The following FASTKD2 variants were observed in gnomAD, a reference collection of about 807,000 sequenced individuals.
The protein encoded by FASTKD2 is FAST kinase domain-containing protein 2, mitochondrial.
A neutral mutation model predicts 63.6 loss-of-function variants in FASTKD2; 51 were observed. That is an observed-to-expected ratio of 0.80 (90% CI 0.64 to 1.01). The LOEUF (loss-of-function observed/expected upper bound fraction) is 1.01, where lower values mean the gene tolerates loss of function less well. Ranked by LOEUF, FASTKD2 falls within the 50% of genes least tolerant of loss-of-function variation. FASTKD2 has a pLI of 0.00. For missense variants in FASTKD2, 786 were observed against 831.1 expected, an observed-to-expected ratio of 0.95 and a Z score of 0.67; for synonymous variants, 284 against 293.4, an observed-to-expected ratio of 0.97 and a Z score of 0.33.
rs1184563386 is a variant in FASTKD2 at position 206,794,023 on chromosome 2, T to A, written c.*2221T>A. Among the ~76,000 whole-genome samples the A allele has an allele frequency of 6.6e-6, 1 of 152,240 alleles. No homozygotes were observed. The highest frequency in any genetic ancestry group is 1.5e-5 in the Non-Finnish European group (1 of 68,044). ...TTCTGGAATGTACTTTGTGGGGTTT[T>A]CTTCTCCCATAATTTAAAAAATAGC... On this transcript the variant is annotated 3_prime_UTR_variant, in exon 12 of 12. Coordinates refer to ENST00000402774, the MANE Select transcript of FASTKD2 (RefSeq NM_001136193.2).
In FASTKD2 at chr2:206,795,570, GT is replaced by G. The variant is rs1363636380; in HGVS notation, c.*3769del. ...CTCTTAACACACTTGTAACCCATTT[GT>G]GCACACAGGTGTGCCGTGACTCACT... On this transcript the variant is annotated 3_prime_UTR_variant, in exon 12 of 12. Transcript: ENST00000402774. Among the ~76,000 whole-genome samples the G allele has an allele frequency of 6.6e-6, 1 of 152,090 alleles. No homozygotes were observed. The highest frequency in any genetic ancestry group is 1.5e-5 in the Non-Finnish European group (1 of 68,004).
chr2:206,770,470 G>A (rs186050947), intron 3 of FASTKD2, among the ~76,000 whole-genome samples: 29 of 152,202 alleles, frequency 1.9e-4, no homozygotes, highest in Admixed American at 1.2e-3. Flanking sequence ...CTGGCCAGGC[G>A]CAGTGACTCA....
chr2:206,768,537 CAA>C (rs1689585498), intron 2 of FASTKD2, among the ~76,000 whole-genome samples: 1 of 151,968 alleles, frequency 6.6e-6, no homozygotes, highest in Non-Finnish European at 1.5e-5. Flanking sequence ...TCCATCTCTA[CAA>C]AAAATACAAA....
At position 206,788,107 on chromosome 2, in the gene FASTKD2, G is replaced by A; in HGVS notation, c.1765G>A (p.Glu589Lys). 6.2e-7 allele frequency: 1 copy of A among 1,612,766 alleles called. No homozygotes were observed. The highest frequency in any genetic ancestry group is 1.7e-5 in the Admixed American group (1 of 59,894). ...GGTGCTGAGCAGCCTTCTGGGAGGT[G>A]AAGGACACTTCTCAAAGGATGTGCA... ...AEVLSSLLGGEGHFSKDVHLP... is the reference protein window; with the variant it reads ...AEVLSSLLGGKGHFSKDVHLP... Residue 589 changes from glutamate (E) to lysine (K), a missense_variant, in exon 9 of 12, where the codon GAA becomes AAA. By Grantham distance (56) the Glu-to-Lys change is moderately conservative. Transcript: ENST00000402774.
Position 206,771,933 on chromosome 2 carries a change from A to C in FASTKD2, c.1030A>C (p.Asn344His). The C allele has an allele frequency of 6.2e-7, 1 of 1,610,762 alleles. No homozygotes were observed. The highest frequency in any genetic ancestry group is 8.5e-7 in the Non-Finnish European group (1 of 1,176,930). Residue 344 changes from asparagine to histidine, a missense_variant, in exon 5 of 12, where the codon AAT becomes CAT. Coordinates refer to ENST00000402774, the MANE Select transcript of FASTKD2 (RefSeq NM_001136193.2). The stretch of plus-strand genomic sequence containing the variant: ...GGAATTAGACAGATTTTCTGTTTTG[A>C]ATAGCCAACACATGTTTGAAGTACT... ...LRELDRFSVL[N>H]SQHMFEVLAA... is the part of the protein sequence containing the mutation.
chr2:206,771,654 A>G (rs1486920191), intron 4 of FASTKD2, among the ~76,000 whole-genome samples: 5 of 38,152 alleles, frequency 1.3e-4, no homozygotes, highest in Non-Finnish European at 2.3e-4. Context: ...CTGTCTCTGC[A>G]AAAAAAAAAA....
At chr2:206,775,560 A>T (rs78391983) in intron 7 of FASTKD2, among the ~76,000 whole-genome samples, 2 of 149,670 alleles carry the variant, frequency 1.3e-5, no homozygotes, top group African/African-American at 5.0e-5. Flanking sequence ...ACTGTGCTGT[A>T]GTTTTTTTGT....
At chr2:206,771,653 C>CAAAAAAAAAA in intron 4 of FASTKD2, among the ~76,000 whole-genome samples, 1 of 44,550 alleles carries the variant, frequency 2.2e-5, no homozygotes, top group Non-Finnish European at 4.1e-5. Context: ...CCTGTCTCTG[C>CAAAAAAAAAA]AAAAAAAAAA....
chr2:206,768,670 A>G (rs933006820), intron 2 of FASTKD2, among the ~76,000 whole-genome samples: 2 of 152,216 alleles, frequency 1.3e-5, no homozygotes, highest in Admixed American at 6.5e-5. Context: ...ACTGCACTCC[A>G]GCCTGGGTGA....
At chr2:206,784,372 A>G (rs989251987) in intron 7 of FASTKD2, among the ~76,000 whole-genome samples, 1 of 152,220 alleles carries the variant, frequency 6.6e-6, no homozygotes, top group African/African-American at 2.4e-5. Context: ...AGAGTTGACT[A>G]GAAGAGATGG....
At chr2:206,787,876 A>G (rs1465823195) in intron 8 of FASTKD2, 61 bp from the exon 9 acceptor site, 8 of 838,466 alleles carry the variant, frequency 9.5e-6, no homozygotes, top group Admixed American at 5.5e-5. Context: ...ATATACTAAT[A>G]TAGTTTTTTA....
intron 7 of FASTKD2, among the ~76,000 whole-genome samples, chr2:206,775,659 CCTT>C (rs1281917223): frequency 6.6e-6 from 1 of 151,794 alleles, no homozygotes; most frequent in Non-Finnish European, 1.5e-5. Context: ...AGTATTCCCT[CCTT>C]CTCTGCTTTT....
chr2:206,774,404 A>G lies in FASTKD2; in HGVS notation c.1427+7A>G. 1 of 1,574,998 alleles carries G rather than the reference A, an allele frequency of 6.3e-7. No homozygotes were observed. The highest frequency in any genetic ancestry group is 8.7e-7 in the Non-Finnish European group (1 of 1,149,056). Reference sequence around the variant, plus strand: ...ACAAATGCCAGAACAAAGAGTATGTACTTGTTTTTTTTTACCTTTTTTATT... The same window carrying G: ...ACAAATGCCAGAACAAAGAGTATGTGCTTGTTTTTTTTTACCTTTTTTATT... On this transcript the variant is annotated splice_region_variant and intron_variant, in intron 7 of 11. Transcript: ENST00000402774.
At position 206,786,925 on chromosome 2, in the gene FASTKD2, AC is replaced by A. The variant is rs775703793; in HGVS notation, c.1594+28del. ...GTAGGATGTTAGTGCAGAATTGGTC[AC>A]CAATTGTGACCAATTCTGCACTACC... On this transcript the variant is annotated intron_variant, in intron 8 of 11. Transcript: ENST00000402774. 2.4e-4 allele frequency: 319 copies of A among 1,302,624 alleles called. 1 individual carries two copies. The highest frequency in any genetic ancestry group is 7.8e-4 in the South Asian group (66 of 84,220). The allele number at this position is 1,302,624 out of a possible 1,614,324, so 80.7% of individuals were successfully genotyped here. A position where few individuals can be genotyped will look rare whatever the true frequency, so the allele number is the denominator to read the frequency against.
chr2:206,786,178 T>G (rs1297182904), intron 7 of FASTKD2, among the ~76,000 whole-genome samples: 1 of 152,224 alleles, frequency 6.6e-6, no homozygotes. Flanking sequence ...TGCCCCTGAT[T>G]TTGATCTTTT....
In FASTKD2 at chr2:206,786,797, T is replaced by G; in HGVS notation, c.1492T>G (p.Leu498Val). 1 of 1,613,674 alleles carries G rather than the reference T, an allele frequency of 6.2e-7. No individual in the cohort carries two copies. The highest frequency in any genetic ancestry group is 1.7e-5 in the Admixed American group (1 of 60,024). Residue 498 changes from leucine to valine, a missense_variant, in exon 8 of 12, where the codon TTA becomes GTA. Coordinates refer to ENST00000402774, the MANE Select transcript of FASTKD2 (RefSeq NM_001136193.2). ...TCTTCACACTATTTCTTCTGAAAAC[T>G]TATTGGATGCAGTATATTCATTTTG... ...GYLHTISSEN[L>V]LDAVYSFCLM...
intron 7 of FASTKD2, among the ~76,000 whole-genome samples, chr2:206,778,013 T>C (rs1229998758): frequency 1.3e-5 from 2 of 152,096 alleles, no homozygotes; most frequent in Non-Finnish European, 2.9e-5. Flanking sequence ...TATAATGTCT[T>C]GTTCGTCTCT....
At chr2:206,773,261 G>T (rs79827572) in intron 6 of FASTKD2, among the ~76,000 whole-genome samples, 1 of 145,522 alleles carries the variant, frequency 6.9e-6, no homozygotes, top group African/African-American at 2.6e-5. Context: ...GTTGCAGTAA[G>T]CTGAGATTGT....
In FASTKD2 at chr2:206,793,220, C is replaced by CAAAAAAAAAAAAAAA. The variant is rs58656956; in HGVS notation, c.*1435_*1449dup. 1.2e-4 allele frequency among the ~76,000 whole-genome samples: 8 copies of CAAAAAAAAAAAAAAA among 65,818 alleles called. No individual in the cohort carries two copies. The highest frequency in any genetic ancestry group is 3.7e-4 in the African/African-American group (6 of 16,238). The allele number at this position is 65,818 out of a possible 152,430, so 43.2% of individuals were successfully genotyped here. On this transcript the variant is annotated 3_prime_UTR_variant, in exon 12 of 12. Transcript: ENST00000402774. Reference sequence around the variant, plus strand: ...CTGACCACAGAGCGAGACTCTGTCTCAAAAAAAAAAAAAAAAAAAAAAAAA... The same window carrying CAAAAAAAAAAAAAAA: ...CTGACCACAGAGCGAGACTCTGTCTCAAAAAAAAAAAAAAAAAAAAAAAAAAAAAAAAAAAAAAAA...
Sources: allele counts gnomAD v4.1 joint callset (sites outside exome capture counted in the v4.1 genomes callset), GRCh38; gene constraint gnomAD v4.1.1; transcripts MANE v1.5; gene names NCBI Gene and HGNC (gene_info 2026-07-23, HGNC 2026-07-21).